HPSE2: variants seen among roughly 807,000 people sequenced by gnomAD.
HPSE2 encodes inactive heparanase-2.
HPSE2 carries 38 observed loss-of-function variants against 60.5 expected under a neutral mutation model. The ratio of observed to expected loss-of-function variants is 0.63; its 90% CI spans 0.48 to 0.82. The LOEUF is 0.82. HPSE2 is among the 40% of genes least tolerant of loss of function. The pLI is 0.00. For missense variants in HPSE2, 713 were observed against 740.4 expected, an observed-to-expected ratio of 0.96 and a Z score of 0.43; for synonymous variants, 295 against 293.2, an observed-to-expected ratio of 1.01 and a Z score of -0.06.
At chr10:98,550,984 A>G (rs1222772791) in intron 9 of HPSE2, among the ~76,000 whole-genome samples, 1 of 152,162 alleles carries the variant, frequency 6.6e-6, no homozygotes, top group Non-Finnish European at 1.5e-5. Flanking sequence ...CTATTCACTG[A>G]TGAACAAAAG....
the HPSE2 span, among the ~76,000 whole-genome samples, chr10:99,254,426 C>CT: frequency 6.6e-6 from 1 of 152,108 alleles, no homozygotes. Flanking sequence ...GGTTGAAAAA[C>CT]TAACTATTGG....
chr10:99,283,077 T>C, the HPSE2 span, among the ~76,000 whole-genome samples: 1 of 151,424 alleles, frequency 6.6e-6, no homozygotes, highest in Non-Finnish European at 1.5e-5. Context: ...TCCCAGCTAC[T>C]GGGGAGTCTG....
chr10:98,549,813 C>T (rs1376018812), intron 9 of HPSE2, among the ~76,000 whole-genome samples: 2 of 152,166 alleles, frequency 1.3e-5, no homozygotes, highest in Non-Finnish European at 1.5e-5. Flanking sequence ...CATCTCAGAA[C>T]GAGCCTTCTC....
rs990233563 is a variant in HPSE2 at position 99,040,586 on chromosome 10, T to C, written c.610+103652A>G. 3.9e-5 allele frequency among the ~76,000 whole-genome samples: 6 copies of C among 152,180 alleles called. 1 individual carries two copies. The East Asian group carries it at 9.6e-4, about 24-fold the overall frequency. On this transcript the variant is annotated intron_variant, in intron 3 of 11. Transcript: ENST00000370552. ...TTTGTAAAACTGAAGTGTACTTTTA[T>C]GCAATCAAATCTGCCGCTCATTTAT...
intron 11 of HPSE2, among the ~76,000 whole-genome samples, chr10:98,481,772 C>T (rs190464408): frequency 4.1e-4 from 63 of 152,312 alleles, no homozygotes; most frequent in African/African-American, 1.5e-3. Context: ...CCACCTGCTC[C>T]AAGTTTACAG....
At chr10:98,544,640 G>T (rs1589396420) in intron 9 of HPSE2, among the ~76,000 whole-genome samples, 1 of 138,730 alleles carries the variant, frequency 7.2e-6, no homozygotes, top group Admixed American at 8.0e-5. Context: ...GTGAACCCAG[G>T]AGGCGGAGCT....
At chr10:99,094,558 T>A (rs1196746143) in intron 3 of HPSE2, among the ~76,000 whole-genome samples, 83 of 97,650 alleles carry the variant, frequency 8.5e-4, no homozygotes, top group South Asian at 6.0e-3. Flanking sequence ...TTTTTTTTTT[T>A]TTTTTTTTTT....
chr10:99,009,375 G>A (rs1956962476), intron 3 of HPSE2, among the ~76,000 whole-genome samples: 1 of 151,604 alleles, frequency 6.6e-6, no homozygotes, highest in Non-Finnish European at 1.5e-5. Flanking sequence ...AGCTATTACT[G>A]CACCACTGCA....
intron 3 of HPSE2, among the ~76,000 whole-genome samples, chr10:99,090,792 C>T (rs1843485711): frequency 6.6e-6 from 1 of 151,996 alleles, no homozygotes; most frequent in African/African-American, 2.4e-5. Flanking sequence ...CTCAAAATAT[C>T]TAAGGTGCTT....
chr10:98,797,459 TAA>T (rs1167627923), intron 3 of HPSE2, among the ~76,000 whole-genome samples: 2 of 151,964 alleles, frequency 1.3e-5, no homozygotes, highest in African/African-American at 4.8e-5. Flanking sequence ...AAGAAAAGAA[TAA>T]AACAGAATGA....
intron 3 of HPSE2, among the ~76,000 whole-genome samples, chr10:99,002,717 T>C (rs893893231): frequency 6.6e-6 from 1 of 152,028 alleles, no homozygotes; most frequent in African/African-American, 2.4e-5. Flanking sequence ...ATCTATAAAA[T>C]ATGGGCTTTG....
At chr10:98,880,797 G>T (rs146435508) in intron 3 of HPSE2, among the ~76,000 whole-genome samples, 17 of 152,010 alleles carry the variant, frequency 1.1e-4, no homozygotes, top group Admixed American at 7.2e-4. Context: ...TTTTTTCCAT[G>T]TTTAAATATG....
intron 5 of HPSE2, among the ~76,000 whole-genome samples, chr10:98,715,527 T>C (rs1396035335): frequency 6.6e-6 from 1 of 151,926 alleles, no homozygotes; most frequent in Admixed American, 6.6e-5. Flanking sequence ...GATCTTTGGC[T>C]CTCTACAGGC....
chr10:98,540,942 A>G (rs964746533), intron 9 of HPSE2, among the ~76,000 whole-genome samples: 1 of 152,190 alleles, frequency 6.6e-6, no homozygotes, highest in African/African-American at 2.4e-5. Context: ...AAAAAAGGAA[A>G]AGCAAGAACA....
chr10:98,818,245 C>T (rs1951337639), intron 3 of HPSE2, among the ~76,000 whole-genome samples: 3 of 152,136 alleles, frequency 2.0e-5, no homozygotes, highest in East Asian at 3.8e-4. Flanking sequence ...GCAGCAGTCC[C>T]CAATCTTTTT....
intron 11 of HPSE2, among the ~76,000 whole-genome samples, chr10:98,478,374 C>T (rs1941105279): frequency 1.3e-5 from 2 of 152,040 alleles, no homozygotes; most frequent in Admixed American, 6.5e-5. Flanking sequence ...ACTGAGAACA[C>T]AGGCTCCAAA....
chr10:98,836,936 G>A (rs1160259623), intron 3 of HPSE2, among the ~76,000 whole-genome samples: 1 of 152,192 alleles, frequency 6.6e-6, no homozygotes, highest in Non-Finnish European at 1.5e-5. Context: ...CTACTCGGGA[G>A]GCTGAGGAGG....
chr10:99,270,503 T>C, the HPSE2 span, among the ~76,000 whole-genome samples: 2 of 152,036 alleles, frequency 1.3e-5, no homozygotes, highest in African/African-American at 4.8e-5. Flanking sequence ...ATTTAATAAT[T>C]GTCAACAAAA....
intron 3 of HPSE2, among the ~76,000 whole-genome samples, chr10:98,991,945 T>C (rs550839912): frequency 1.3e-5 from 2 of 152,240 alleles, no homozygotes; most frequent in South Asian, 4.1e-4. Flanking sequence ...CCATTCTAGG[T>C]TTCAATCACC....
Sources: gnomAD v4.1 joint callset for allele counts (sites outside exome capture counted in the v4.1 genomes callset) on GRCh38, gnomAD v4.1.1 for gene constraint, MANE v1.5 for transcripts, NCBI Gene and HGNC (gene_info 2026-07-23, HGNC 2026-07-21) for gene names.